Variants in ACCSL observed in about 807,000 individuals in gnomAD.
The protein encoded by ACCSL is probable inactive 1-aminocyclopropane-1-carboxylate synthase-like protein 2.
Under a neutral mutation model 61.7 loss-of-function variants are expected in ACCSL, and 55 were observed. The ratio of observed to expected loss-of-function variants is 0.89; its 90% CI spans 0.72 to 1.12. The LOEUF is 1.12. Ranked by LOEUF, ACCSL falls within the 50% of genes most tolerant of loss-of-function variation. The pLI is 0.00. For missense variants in ACCSL, 632 were observed against 698.0 expected, an observed-to-expected ratio of 0.91 and a Z score of 1.07; for synonymous variants, 258 against 264.3, an observed-to-expected ratio of 0.98 and a Z score of 0.23.
chr11:43,987,636 G>C, the ACCSL span, among the ~76,000 whole-genome samples: 1 of 152,084 alleles, frequency 6.6e-6, no homozygotes, highest in Non-Finnish European at 1.5e-5. Context: ...CCCACTCCCT[G>C]GCTGGCTCTG....
At chr11:43,928,268 C>T in the ACCSL span, among the ~76,000 whole-genome samples, 2 of 151,772 alleles carry the variant, frequency 1.3e-5, no homozygotes, top group Non-Finnish European at 2.9e-5. Context: ...TTTGAGGCTG[C>T]ACATGTGGCC....
chr11:43,999,893 A>C, the ACCSL span, among the ~76,000 whole-genome samples: 66 of 152,340 alleles, frequency 4.3e-4, no homozygotes, highest in South Asian at 0.013. Context: ...CAACAATGAA[A>C]AATACAAATA....
chr11:43,977,399 G>A, the ACCSL span, among the ~76,000 whole-genome samples: 44 of 151,822 alleles, frequency 2.9e-4, no homozygotes, highest in Middle Eastern at 3.4e-3. Flanking sequence ...TGAAGAGTGA[G>A]AACCAAAGAG....
At chr11:44,050,202 C>A (rs1952627920) in intron 2 of ACCSL, 81 bp downstream of exon 2, 13 of 1,183,736 alleles carry the variant, frequency 1.1e-5, no homozygotes, top group Non-Finnish European at 1.6e-5. Context: ...ATGGTAGATA[C>A]AGGGGTGAGA....
chr11:43,994,156 A>G, the ACCSL span, among the ~76,000 whole-genome samples: 2 of 152,254 alleles, frequency 1.3e-5, no homozygotes, highest in African/African-American at 2.4e-5. Context: ...ACATTTAAAG[A>G]CAGTATTTTT....
At chr11:44,048,663 T>A in intron 1 of ACCSL, 123 bp downstream of exon 1, 1 of 995,094 alleles carries the variant, frequency 1.0e-6, no homozygotes, top group Non-Finnish European at 1.5e-6. Context: ...ACGGGCACTC[T>A]TGTCATCTTG....
the ACCSL span, among the ~76,000 whole-genome samples, chr11:43,951,870 G>T: frequency 2.0e-5 from 3 of 152,084 alleles, no homozygotes; most frequent in Non-Finnish European, 4.4e-5. Context: ...GCATGTTGGC[G>T]CATGCCTGTA....
At chr11:43,978,916 T>C in the ACCSL span, among the ~76,000 whole-genome samples, 1 of 150,600 alleles carries the variant, frequency 6.6e-6, no homozygotes, top group Non-Finnish European at 1.5e-5. Flanking sequence ...ATTACTTGGC[T>C]CAACCTCAGT....
At chr11:43,927,686 G>A in the ACCSL span, among the ~76,000 whole-genome samples, 1 of 152,186 alleles carries the variant, frequency 6.6e-6, no homozygotes, top group African/African-American at 2.4e-5. Context: ...CATATTTTAA[G>A]GCTTTGAATA....
the ACCSL span, among the ~76,000 whole-genome samples, chr11:44,032,542 C>T: frequency 2.0e-5 from 3 of 152,096 alleles, no homozygotes; most frequent in Non-Finnish European, 4.4e-5. Context: ...CCTCAATGCG[C>T]CCAATAACCT....
chr11:43,961,728 T>A, the ACCSL span, among the ~76,000 whole-genome samples: 1 of 152,126 alleles, frequency 6.6e-6, no homozygotes, highest in Admixed American at 6.6e-5. Context: ...TCTCTTTCTC[T>A]CTCTCTCTCC....
upstream of ACCSL, among the ~76,000 whole-genome samples, chr11:44,047,327 T>C (rs772622806): frequency 7.9e-5 from 12 of 152,172 alleles, no homozygotes; most frequent in Non-Finnish European, 1.5e-4. Context: ...TTTGAGTATC[T>C]GGTATGGCCA....
the ACCSL span, among the ~76,000 whole-genome samples, chr11:43,989,621 C>A: frequency 6.6e-5 from 10 of 152,240 alleles, no homozygotes; most frequent in African/African-American, 2.4e-4. Context: ...TGGTTCCCAG[C>A]CCAGGCACCA....
the ACCSL span, among the ~76,000 whole-genome samples, chr11:43,951,252 G>T: frequency 1.3e-5 from 2 of 152,206 alleles, no homozygotes; most frequent in African/African-American, 4.8e-5. Flanking sequence ...AAAGCCACCT[G>T]CCTTTATAAT....
chr11:44,031,928 T>C, the ACCSL span, among the ~76,000 whole-genome samples: 2 of 152,154 alleles, frequency 1.3e-5, no homozygotes, highest in South Asian at 4.1e-4. Flanking sequence ...GGCCACCACA[T>C]TCACTTACTC....
chr11:44,003,833 C>T, the ACCSL span, among the ~76,000 whole-genome samples: 9 of 152,140 alleles, frequency 5.9e-5, no homozygotes, highest in African/African-American at 2.2e-4. Context: ...GACTGCTGCC[C>T]GGGGGCTGTG....
chr11:43,942,257 TGGGACCA>T, the ACCSL span: 1 of 147,614 alleles, frequency 6.8e-6, no homozygotes, highest in South Asian at 1.6e-4. Context: ...TGTGTGCATC[TGGGACCA>T]GGGGGCGGGG....
chr11:43,989,185 C>T, the ACCSL span, among the ~76,000 whole-genome samples: 1 of 152,228 alleles, frequency 6.6e-6, no homozygotes, highest in South Asian at 2.1e-4. Flanking sequence ...GGGTTCAGCT[C>T]TGCCGCTCAT....
the ACCSL span, among the ~76,000 whole-genome samples, chr11:43,934,002 G>A: frequency 6.6e-5 from 10 of 152,050 alleles, no homozygotes; most frequent in East Asian, 9.6e-4. Flanking sequence ...CCACCGGGGC[G>A]GGGCACTGGA....
Sources: allele counts gnomAD v4.1 joint callset (sites outside exome capture counted in the v4.1 genomes callset), GRCh38; gene constraint gnomAD v4.1.1; transcripts MANE v1.5; gene names NCBI Gene and HGNC (gene_info 2026-07-23, HGNC 2026-07-21).